Variants in GPM6B observed in about 807,000 individuals in gnomAD.
GPM6B encodes the protein neuronal membrane glycoprotein M6-b.
In GPM6B, 4 loss-of-function variants were observed where a neutral mutation model predicts 27.2. That is an observed-to-expected ratio of 0.15 (90% CI 0.07 to 0.34). GPM6B has a LOEUF of 0.34. Among genes scored for constraint, GPM6B ranks in the 10% least tolerant of loss-of-function variants. The pLI, the probability that GPM6B is intolerant of heterozygous loss-of-function variation, is 1.00. For synonymous variants in GPM6B, 124 were observed against 103.1 expected (o/e 1.20, Z -1.23); for missense variants, 183 against 261.9 (o/e 0.70, Z 2.08).
At chrX:13,871,294 C>G in intron 1 of GPM6B, among the ~76,000 whole-genome samples, 1 of 111,379 alleles carries the variant, frequency 9.0e-6, no homozygotes, top group Middle Eastern at 4.7e-3. Flanking sequence ...AACCCTAAAT[C>G]TTTAGTAAAG....
intron 5 of GPM6B, among the ~76,000 whole-genome samples, chrX:13,778,286 G>GATCCACCCGCCTCAGC (rs1347186388): frequency 1.8e-5 from 2 of 111,439 alleles, no homozygotes; most frequent in African/African-American, 6.5e-5. Flanking sequence ...CCGACCTCGT[G>GATCCACCCGCCTCAGC]ATCCACCCGC....
upstream of GPM6B, chrX:13,938,495 G>A: frequency 1.1e-6 from 1 of 950,651 alleles, no homozygotes; most frequent in Non-Finnish European, 1.3e-6. Flanking sequence ...CGCAGCCAGC[G>A]CGCTCGCTTA....
chrX:13,857,498 G>A (rs1358124552), intron 1 of GPM6B, among the ~76,000 whole-genome samples: 1 of 112,180 alleles, frequency 8.9e-6, no homozygotes, highest in African/African-American at 3.2e-5. Context: ...TTTCCTCTTA[G>A]AATCATAGCA....
intron 1 of GPM6B, among the ~76,000 whole-genome samples, chrX:13,835,497 TAGG>T (rs202002314): frequency 0.015 from 1,640 of 111,981 alleles, 15 homozygotes; most frequent in Non-Finnish European, 0.023. Context: ...GTGAAAAAGC[TAGG>T]AGTTTTTCTT....
chrX:13,926,843 CT>C (rs1401692155), intron 1 of GPM6B, among the ~76,000 whole-genome samples: 1 of 111,574 alleles, frequency 9.0e-6, no homozygotes, highest in Non-Finnish European at 1.9e-5. Flanking sequence ...ATTTTCATGA[CT>C]TTGGGGATAG....
At chrX:13,926,158 C>T (rs1921177386) in intron 1 of GPM6B, among the ~76,000 whole-genome samples, 1 of 108,950 alleles carries the variant, frequency 9.2e-6, no homozygotes, top group Non-Finnish European at 1.9e-5. Flanking sequence ...AAGGATCGCA[C>T]TTTGGGAGGC....
chrX:13,926,738 C>G (rs754018126), intron 1 of GPM6B, among the ~76,000 whole-genome samples: 1 of 111,528 alleles, frequency 9.0e-6, no homozygotes, highest in South Asian at 3.7e-4. Context: ...TAAAACTATA[C>G]CAAAAAATAG....
chrX:13,877,824 C>CAA (rs761891419), intron 1 of GPM6B, among the ~76,000 whole-genome samples: 4,536 of 27,350 alleles, frequency 0.17, 1,108 homozygotes, highest in East Asian at 0.5. Flanking sequence ...CAGACTCTGC[C>CAA]AAAAAAAAAA....
At chrX:13,893,180 C>T (rs1402260476) in intron 1 of GPM6B, among the ~76,000 whole-genome samples, 1 of 111,760 alleles carries the variant, frequency 8.9e-6, no homozygotes, top group African/African-American at 3.3e-5. Context: ...AAATTACATA[C>T]CTGAATTGGC....
At chrX:13,914,979 G>A (rs1223319130) in intron 1 of GPM6B, among the ~76,000 whole-genome samples, 1 of 111,327 alleles carries the variant, frequency 9.0e-6, no homozygotes, top group Non-Finnish European at 1.9e-5. Context: ...CAACAAAAGT[G>A]TGCCACAGCT....
intron 1 of GPM6B, among the ~76,000 whole-genome samples, chrX:13,861,025 CACACACACACACACACACATAT>C (rs1473160161): frequency 1.9e-4 from 16 of 83,895 alleles, no homozygotes; most frequent in African/African-American, 5.0e-4. Context: ...CACACACACA[CACACACACACACACACACATAT>C]ATACATATAT....
chrX:13,853,590 CAAAAAA>C lies in GPM6B; in HGVS notation c.-197-67788_-197-67783del, dbSNP rs66531403. 3.6e-4 allele frequency among the ~76,000 whole-genome samples: 14 copies of C among 38,566 alleles called. No homozygotes were observed. In the South Asian group the frequency reaches 0.022, roughly 60 times the overall value. The allele number at this position is 38,566 out of a possible 115,157, so 33.5% of individuals were successfully genotyped here. A position where few individuals can be genotyped will look rare whatever the true frequency, so the allele number is the denominator to read the frequency against. On this transcript the variant is annotated intron_variant, in intron 1 of 6. Coordinates refer to the GPM6B transcript ENST00000398361. ...TGGGCGACAGGGTGAGACACCACCT[CAAAAAA>C]AAAAAAAAAAAAAAAAAGGGAAAAA...
At chrX:13,926,451 C>T (rs953715935) in intron 1 of GPM6B, among the ~76,000 whole-genome samples, 1 of 105,348 alleles carries the variant, frequency 9.5e-6, no homozygotes, top group African/African-American at 3.5e-5. Flanking sequence ...ACAAAAAAAG[C>T]AGAGGATCAA....
intron 1 of GPM6B, among the ~76,000 whole-genome samples, chrX:13,835,029 T>C (rs954618710): frequency 8.9e-6 from 1 of 111,902 alleles, no homozygotes; most frequent in Non-Finnish European, 1.9e-5. Flanking sequence ...AACATTAATT[T>C]TTTTATTCAG....
chrX:13,843,007 T>C (rs1372735818), intron 1 of GPM6B, among the ~76,000 whole-genome samples: 3 of 111,483 alleles, frequency 2.7e-5, no homozygotes, highest in Non-Finnish European at 5.6e-5. Flanking sequence ...TTGTTCAAAA[T>C]ATATGATCGC....
intron 1 of GPM6B, among the ~76,000 whole-genome samples, chrX:13,933,983 A>G (rs1424541699): frequency 1.8e-5 from 2 of 111,570 alleles, no homozygotes; most frequent in Admixed American, 9.5e-5. Flanking sequence ...TTTAGGCTAC[A>G]TAAGTGGCAC....
chrX:13,837,882 C>T (rs1268398871), intron 1 of GPM6B, among the ~76,000 whole-genome samples: 2 of 110,794 alleles, frequency 1.8e-5, no homozygotes, highest in Non-Finnish European at 3.8e-5. Context: ...TATTGGACCA[C>T]CGTGTAATAA....
chrX:13,802,172 A>G (rs765367363), intron 2 of GPM6B, among the ~76,000 whole-genome samples: 1 of 68,541 alleles, frequency 1.5e-5, no homozygotes, highest in Non-Finnish European at 2.7e-5. Context: ...ATGAAAACAT[A>G]TAACATAAGG....
In GPM6B at chrX:13,827,897, G is replaced by A. The variant is rs143086212; in HGVS notation, c.-197-42089C>T. ...AGCCACTCCCTGCCTTCAACATGCA[G>A]GAGTTGACGTCATCTTTCCCTGAAA... On this transcript the variant is annotated intron_variant, in intron 1 of 6. Transcript: ENST00000398361. Among the ~76,000 whole-genome samples the A allele has an allele frequency of 2.1e-3, 233 of 111,683 alleles. 6 individuals are homozygous for A. The East Asian group carries it at 0.041, about 20-fold the overall frequency.
Sources: gnomAD v4.1 joint callset for allele counts (sites outside exome capture counted in the v4.1 genomes callset) on GRCh38, gnomAD v4.1.1 for gene constraint, MANE v1.5 for transcripts, NCBI Gene and HGNC (gene_info 2026-07-23, HGNC 2026-07-21) for gene names.